The following GRID1 variants were observed in gnomAD, a reference collection of about 807,000 sequenced individuals.
GRID1 encodes glutamate ionotropic receptor delta type subunit 1.
Under a neutral mutation model 98.0 loss-of-function variants are expected in GRID1, and 28 were observed. The ratio of observed to expected loss-of-function variants is 0.29; its 90% CI spans 0.21 to 0.39. GRID1 has a LOEUF of 0.39. GRID1 is among the 10% of genes least tolerant of loss of function. GRID1 has a pLI of 1.00. For synonymous variants in GRID1, 553 were observed against 538.5 expected, an observed-to-expected ratio of 1.03 and a Z score of -0.37; for missense variants, 1,111 against 1,340.5, an observed-to-expected ratio of 0.83 and a Z score of 2.67.
chr10:85,885,894 C>G (rs889537933), intron 5 of GRID1, among the ~76,000 whole-genome samples: 1 of 152,204 alleles, frequency 6.6e-6, no homozygotes, highest in Non-Finnish European at 1.5e-5. Context: ...TGAGGACACA[C>G]CCAGCTTCAG....
intron 4 of GRID1, among the ~76,000 whole-genome samples, chr10:85,967,688 G>A (rs910078951): frequency 6.6e-6 from 1 of 152,186 alleles, no homozygotes; most frequent in Non-Finnish European, 1.5e-5. Flanking sequence ...CTTGAATGAA[G>A]CTCAATCAAT....
chr10:85,705,726 G>A (rs574861615), intron 12 of GRID1, among the ~76,000 whole-genome samples: 7 of 152,172 alleles, frequency 4.6e-5, no homozygotes, highest in South Asian at 4.2e-4. Flanking sequence ...TTGGCAAACC[G>A]AATCCAGCAG....
At chr10:86,180,304 G>A (rs112317726) in intron 3 of GRID1, among the ~76,000 whole-genome samples, 52 of 152,232 alleles carry the variant, frequency 3.4e-4, no homozygotes, top group South Asian at 1.0e-3. Flanking sequence ...TCATTTTACC[G>A]ACAAATGGCA....
At chr10:85,681,505 TCTC>T (rs1841208521) in intron 12 of GRID1, among the ~76,000 whole-genome samples, 1 of 152,064 alleles carries the variant, frequency 6.6e-6, no homozygotes, top group Non-Finnish European at 1.5e-5. Flanking sequence ...CTCCACATCT[TCTC>T]TTCTTTCCCA....
At chr10:85,630,691 T>C (rs931493496) in intron 13 of GRID1, among the ~76,000 whole-genome samples, 2 of 152,140 alleles carry the variant, frequency 1.3e-5, no homozygotes, top group African/African-American at 4.8e-5. Context: ...AAAGTGTGTT[T>C]TCTGGCCAAG....
At chr10:85,682,679 G>T (rs1299084124) in intron 12 of GRID1, among the ~76,000 whole-genome samples, 1 of 152,212 alleles carries the variant, frequency 6.6e-6, no homozygotes, top group Non-Finnish European at 1.5e-5. Flanking sequence ...TCCAACTAGG[G>T]TGTGGAGAGG....
At chr10:86,093,711 T>C (rs1260254459) in intron 4 of GRID1, among the ~76,000 whole-genome samples, 2 of 151,816 alleles carry the variant, frequency 1.3e-5, no homozygotes, top group East Asian at 3.9e-4. Context: ...TGGTAAAAAT[T>C]ACCAACAAAA....
At chr10:85,942,202 C>G (rs188993085) in intron 4 of GRID1, among the ~76,000 whole-genome samples, 20 of 152,356 alleles carry the variant, frequency 1.3e-4, no homozygotes, top group African/African-American at 4.6e-4. Flanking sequence ...AAGTCCCCCT[C>G]AAGGGGACAC....
chr10:86,148,951 G>A (rs1284234981), intron 3 of GRID1, among the ~76,000 whole-genome samples: 2 of 152,118 alleles, frequency 1.3e-5, no homozygotes, highest in Non-Finnish European at 2.9e-5. Context: ...CTTCCTCCTA[G>A]GAGACCTTAG....
intron 8 of GRID1, among the ~76,000 whole-genome samples, chr10:85,797,000 T>G (rs1842531242): frequency 6.6e-6 from 1 of 152,188 alleles, no homozygotes; most frequent in Non-Finnish European, 1.5e-5. Context: ...CTGCAGGAGA[T>G]ACATGAAGTA....
chr10:86,364,161 G>T, intron 1 of GRID1, 65 bp from the exon 2 acceptor site: 7 of 1,378,114 alleles, frequency 5.1e-6, no homozygotes, highest in East Asian at 2.3e-5. Flanking sequence ...CCCTTGGCCC[G>T]AGGGTCAAGG....
chr10:86,021,066 G>A (rs1843042566), intron 4 of GRID1, among the ~76,000 whole-genome samples: 1 of 151,864 alleles, frequency 6.6e-6, no homozygotes, highest in Admixed American at 6.6e-5. Flanking sequence ...CTGCCTGCCT[G>A]CCTGCCTGGG....
chr10:86,101,929 T>C (rs1328524758), intron 4 of GRID1, among the ~76,000 whole-genome samples: 1 of 152,210 alleles, frequency 6.6e-6, no homozygotes, highest in Non-Finnish European at 1.5e-5. Flanking sequence ...CCACAGTTTG[T>C]TATCCATTCA....
At chr10:85,981,192 A>C (rs1422116035) in intron 4 of GRID1, among the ~76,000 whole-genome samples, 1 of 152,216 alleles carries the variant, frequency 6.6e-6, no homozygotes, top group Non-Finnish European at 1.5e-5. Flanking sequence ...CACCACCAGC[A>C]GCCAACAGCA....
intron 4 of GRID1, among the ~76,000 whole-genome samples, chr10:86,034,824 T>C (rs1472330419): frequency 6.6e-6 from 1 of 151,558 alleles, no homozygotes; most frequent in Non-Finnish European, 1.5e-5. Context: ...TGGATGGACC[T>C]ACTGATGAAT....
chr10:85,998,387 C>G (rs1842765111), intron 4 of GRID1, among the ~76,000 whole-genome samples: 1 of 151,392 alleles, frequency 6.6e-6, no homozygotes, highest in Non-Finnish European at 1.5e-5. Context: ...ATAAATAATC[C>G]ATGGGTGAAA....
chr10:85,888,077 T>TG (rs1195262171), intron 5 of GRID1, among the ~76,000 whole-genome samples: 1 of 152,304 alleles, frequency 6.6e-6, no homozygotes, highest in East Asian at 1.9e-4. Flanking sequence ...CTTGACCCCT[T>TG]GCCAGGACAT....
rs966501230 is a variant in GRID1 at position 86,002,694 on chromosome 10, T to C, written c.727-86455A>G. Among the ~76,000 whole-genome samples the C allele has an allele frequency of 2.0e-5, 3 of 152,210 alleles. No homozygotes were observed. In the East Asian group the frequency reaches 5.8e-4, roughly 29 times the overall value. Reference sequence around the variant, plus strand: ...GTTATTTTGTTTAAAGGGACTGTGTTGAACTACGCACATATTTTTTAAAAA... The same window carrying C: ...GTTATTTTGTTTAAAGGGACTGTGTCGAACTACGCACATATTTTTTAAAAA... On this transcript the variant is annotated intron_variant, in intron 4 of 15. Coordinates refer to ENST00000327946, the MANE Select transcript of GRID1 (RefSeq NM_017551.3).
At chr10:86,026,712 C>T (rs1359776042) in intron 4 of GRID1, among the ~76,000 whole-genome samples, 1 of 152,192 alleles carries the variant, frequency 6.6e-6, no homozygotes, top group African/African-American at 2.4e-5. Flanking sequence ...GAGAAGCAAC[C>T]CAGACCTACC....
Sources: allele counts gnomAD v4.1 joint callset (sites outside exome capture counted in the v4.1 genomes callset), GRCh38; gene constraint gnomAD v4.1.1; transcripts MANE v1.5; gene names NCBI Gene and HGNC (gene_info 2026-07-23, HGNC 2026-07-21).